Variants in DNAJC15 observed in about 807,000 individuals in gnomAD.
DNAJC15 encodes the protein DnaJ heat shock protein family (Hsp40) member C15, also known as dnaJ homolog subfamily C member 15.
A neutral mutation model predicts 22.4 loss-of-function variants in DNAJC15; 27 were observed. The ratio of observed to expected loss-of-function variants is 1.20; its 90% CI spans 0.89 to 1.66. The LOEUF is 1.66. Among genes scored for constraint, DNAJC15 ranks in the 40% most tolerant of loss-of-function variants. The probability of loss-of-function intolerance (pLI) is 0.00; values close to 1 mark genes in which losing one functional copy is unlikely to be tolerated. For missense variants in DNAJC15, 208 were observed against 187.1 expected, an observed-to-expected ratio of 1.11 and a Z score of -0.65; for synonymous variants, 79 against 63.2, an observed-to-expected ratio of 1.25 and a Z score of -1.19.
intron 3 of DNAJC15, among the ~76,000 whole-genome samples, chr13:43,076,737 C>G (rs1469075417): frequency 6.6e-6 from 1 of 152,188 alleles, no homozygotes; most frequent in East Asian, 1.9e-4. Flanking sequence ...TCTTTACTTG[C>G]TGTCTCCATT....
At chr13:43,025,814 G>T (rs1442832302) in intron 1 of DNAJC15, among the ~76,000 whole-genome samples, 1 of 152,212 alleles carries the variant, frequency 6.6e-6, no homozygotes. Flanking sequence ...TGAGGCAGAA[G>T]AATTGCTTGA....
intron 5 of DNAJC15, among the ~76,000 whole-genome samples, chr13:43,097,524 A>G (rs1046263117): frequency 6.6e-6 from 1 of 152,214 alleles, no homozygotes; most frequent in African/African-American, 2.4e-5. Flanking sequence ...TTTGGCAGCT[A>G]TGAAGCAAAT....
chr13:43,034,401 T>C lies in DNAJC15; in HGVS notation c.108+10667T>C, dbSNP rs566996440. 3.5e-3 allele frequency among the ~76,000 whole-genome samples: 503 copies of C among 144,656 alleles called. 2 individuals carry two copies. The highest frequency in any genetic ancestry group is 0.011 in the African/African-American group (444 of 38,940). 94.9% of individuals were successfully genotyped at this position (144,656 alleles called of 152,430 possible). A position where few individuals can be genotyped will look rare whatever the true frequency, so the allele number is the denominator to read the frequency against. ...CGCGATCTCGGCTCACTTCAAGCTC[T>C]GCCTCCCGGGTTCACGCCATTCTCC... is the stretch of plus-strand genomic sequence containing the variant. On this transcript the variant is annotated intron_variant, in intron 1 of 5. Transcript: ENST00000379221.
intron 1 of DNAJC15, among the ~76,000 whole-genome samples, chr13:43,032,438 T>C (rs535005376): frequency 1.3e-5 from 2 of 152,382 alleles, no homozygotes; most frequent in East Asian, 3.9e-4. Context: ...ATTCCCTTAA[T>C]CCACAGTGTA....
At chr13:43,106,270 G>A (rs998892954) in intron 5 of DNAJC15, among the ~76,000 whole-genome samples, 1 of 152,176 alleles carries the variant, frequency 6.6e-6, no homozygotes, top group Non-Finnish European at 1.5e-5. Context: ...AAAGAGACTG[G>A]TGAGCTGTAA....
intron 1 of DNAJC15, among the ~76,000 whole-genome samples, chr13:43,036,472 C>T (rs1254895944): frequency 1.3e-5 from 2 of 152,148 alleles, no homozygotes; most frequent in Non-Finnish European, 1.5e-5. Context: ...GGGTGGCTGG[C>T]CATGGGCAGG....
chr13:43,076,870 A>G (rs1209918466), intron 3 of DNAJC15, among the ~76,000 whole-genome samples: 1 of 152,046 alleles, frequency 6.6e-6, no homozygotes, highest in Non-Finnish European at 1.5e-5. Flanking sequence ...CTCTCATTTT[A>G]CTTTACCTAT....
intron 1 of DNAJC15, among the ~76,000 whole-genome samples, chr13:43,032,304 A>C (rs2040407633): frequency 6.6e-6 from 1 of 152,248 alleles, no homozygotes; most frequent in Non-Finnish European, 1.5e-5. Flanking sequence ...TGGTGAATGC[A>C]TATGGGCCTG....
intron 5 of DNAJC15, 52 bp from the exon 6 acceptor site, chr13:43,107,126 A>C (rs2040800500): frequency 1.4e-6 from 2 of 1,446,764 alleles, no homozygotes; most frequent in Admixed American, 2.5e-5. Flanking sequence ...GGGGACTTTA[A>C]AGTATGTCAA....
intron 1 of DNAJC15, among the ~76,000 whole-genome samples, chr13:43,037,142 GC>G (rs1212099078): frequency 6.6e-6 from 1 of 152,240 alleles, no homozygotes; most frequent in Non-Finnish European, 1.5e-5. Flanking sequence ...CCTTGTGGGG[GC>G]CGCTCCAGAC....
chr13:43,043,124 T>A (rs9567101), intron 1 of DNAJC15, among the ~76,000 whole-genome samples: 36,179 of 152,158 alleles, frequency 0.24, 4,640 homozygotes, highest in South Asian at 0.39. Context: ...TGTTTATTTT[T>A]ATTTTTTTGA....
intron 1 of DNAJC15, among the ~76,000 whole-genome samples, chr13:43,054,059 A>G (rs763767813): frequency 8.5e-5 from 13 of 152,092 alleles, no homozygotes; most frequent in Non-Finnish European, 1.5e-4. Context: ...TTTGTCTTTT[A>G]TTACCCTAAG....
intron 2 of DNAJC15, 69 bp from the exon 3 acceptor site, chr13:43,068,861 G>A (rs1321113711): frequency 1.2e-5 from 15 of 1,279,814 alleles, no homozygotes; most frequent in Non-Finnish European, 1.7e-5. Context: ...ACTGTTGCAA[G>A]CACTTTGAAG....
At chr13:43,043,057 T>C (rs1178877044) in intron 1 of DNAJC15, among the ~76,000 whole-genome samples, 1 of 152,164 alleles carries the variant, frequency 6.6e-6, no homozygotes, top group Non-Finnish European at 1.5e-5. Flanking sequence ...AGGAGCAAGA[T>C]TTTCTGACCA....
At chr13:43,073,518 A>G (rs772253874) in intron 3 of DNAJC15, among the ~76,000 whole-genome samples, 5 of 152,200 alleles carry the variant, frequency 3.3e-5, no homozygotes, top group Admixed American at 6.5e-5. Context: ...TATGCTCTAT[A>G]TGAGTAGAGT....
In DNAJC15 at chr13:43,069,035, C is replaced by T. The variant is rs756941914; in HGVS notation, c.234+32C>T. 27 of 1,588,888 alleles carry T rather than the reference C, an allele frequency of 1.7e-5. No individual in the cohort carries two copies. The South Asian group carries it at 2.5e-4, about 15-fold the overall frequency. On this transcript the variant is annotated intron_variant, in intron 3 of 5. Coordinates refer to ENST00000379221, the MANE Select transcript of DNAJC15 (RefSeq NM_013238.3). ...TAAACGTGGCTTTAGTTAGAAGACT[C>T]ATTTTGATTTTTGTTCATATGACAT... is the stretch of plus-strand genomic sequence containing the variant.
At chr13:43,041,840 G>A (rs751363977) in intron 1 of DNAJC15, among the ~76,000 whole-genome samples, 5 of 152,182 alleles carry the variant, frequency 3.3e-5, no homozygotes, top group African/African-American at 4.8e-5. Context: ...GCTATATACC[G>A]GGAATACAAA....
chr13:43,024,374 C>T (rs1404294863), intron 1 of DNAJC15, among the ~76,000 whole-genome samples: 7 of 117,316 alleles, frequency 6.0e-5, no homozygotes, highest in African/African-American at 9.9e-5. Context: ...GACGGAGTCT[C>T]GCTCTGTCGC....
chr13:43,070,263 G>A (rs1322819600), intron 3 of DNAJC15, among the ~76,000 whole-genome samples: 1 of 152,140 alleles, frequency 6.6e-6, no homozygotes, highest in South Asian at 2.1e-4. Context: ...ATGCATGTCT[G>A]TGATTAGAGG....
Sources: gnomAD v4.1 joint callset for allele counts (sites outside exome capture counted in the v4.1 genomes callset) on GRCh38, gnomAD v4.1.1 for gene constraint, MANE v1.5 for transcripts, NCBI Gene and HGNC (gene_info 2026-07-23, HGNC 2026-07-21) for gene names.